The following RANGAP1 variants were observed in gnomAD, a reference collection of about 807,000 sequenced individuals.
RANGAP1 encodes ran GTPase-activating protein 1.
Under a neutral mutation model 63.5 loss-of-function variants are expected in RANGAP1, and 38 were observed. That is an observed-to-expected ratio of 0.60 (90% CI 0.46 to 0.78). RANGAP1 has a LOEUF of 0.78. Ranked by LOEUF, RANGAP1 falls within the 30% of genes least tolerant of loss-of-function variation. The probability of loss-of-function intolerance (pLI) is 0.00; values close to 1 mark genes in which losing one functional copy is unlikely to be tolerated. For synonymous variants in RANGAP1, 329 were observed against 310.5 expected (o/e 1.06, Z -0.63); for missense variants, 630 against 740.3 (o/e 0.85, Z 1.73).
rs534921594 is a variant in RANGAP1, at chr22:41,245,162, C to A, written c.*1441G>T. ...AGCAGTATCCTCTGCCACCTGGTCACCTACGTGGCCGACTGCCAATGAGAA... is the reference window on the plus strand; with the variant it reads ...AGCAGTATCCTCTGCCACCTGGTCAACTACGTGGCCGACTGCCAATGAGAA... On this transcript the variant is annotated 3_prime_UTR_variant, in exon 16 of 16. Transcript: ENST00000356244. Among the ~76,000 whole-genome samples the A allele has an allele frequency of 6.6e-6, 1 of 152,354 alleles. No homozygotes were observed. Among genetic ancestry groups the A allele is most frequent in the East Asian group, 1.9e-4 (1 of 5,194 alleles).
chr22:41,254,877 C>T (rs961022460), intron 10 of RANGAP1, among the ~76,000 whole-genome samples: 2 of 151,534 alleles, frequency 1.3e-5, no homozygotes, highest in Non-Finnish European at 2.9e-5. Context: ...GAGGCTGAGG[C>T]AGGAGAATGG....
intron 10 of RANGAP1, among the ~76,000 whole-genome samples, chr22:41,255,197 C>A (rs1336600490): frequency 6.6e-6 from 1 of 152,066 alleles, no homozygotes; most frequent in Admixed American, 6.6e-5. Context: ...GTAGGGGTGT[C>A]CTTGCCCCAT....
Position 41,257,844 on chromosome 22 carries a change from G to T in RANGAP1, c.774+104C>A. On this transcript the variant is annotated intron_variant, in intron 7 of 15. Transcript: ENST00000356244. The surrounding 1 kb of genome is among the most constrained non-coding windows in gnomAD (Gnocchi z 4.0). ...GGGGCACACACCCAGGGGGCAGGCA[G>T]GGGGTAGAGGAGTCCCTGCTAAACG... The T allele has an allele frequency of 2.2e-6, 3 of 1,346,992 alleles. No homozygotes were observed. Among genetic ancestry groups the T allele is most frequent in the East Asian group, 2.5e-5 (1 of 40,338 alleles). The allele number at this position is 1,346,992 out of a possible 1,614,324, so 83.4% of individuals were successfully genotyped here. A position where few individuals can be genotyped will look rare whatever the true frequency, so the allele number is the denominator to read the frequency against.
At chr22:41,293,788 A>T in the RANGAP1 span, among the ~76,000 whole-genome samples, 2 of 150,134 alleles carry the variant, frequency 1.3e-5, no homozygotes, top group Non-Finnish European at 3.0e-5. Flanking sequence ...AAAAGAAAAG[A>T]AATAATTTTT....
At chr22:41,276,986 GAAA>G (rs762582801) in intron 2 of RANGAP1, among the ~76,000 whole-genome samples, 1 of 56,024 alleles carries the variant, frequency 1.8e-5, no homozygotes, top group Non-Finnish European at 3.7e-5. Flanking sequence ...CTGTTTCTCA[GAAA>G]AAAAAAAAAA....
At position 41,252,931 on chromosome 22, in the gene RANGAP1, GA is replaced by G. The variant is rs1390892709; in HGVS notation, c.1320del (p.Ser442LeufsTer8). On this transcript the variant is annotated frameshift_variant, in exon 12 of 16. Transcript: ENST00000356244. LOFTEE classifies it high-confidence loss of function. Reference protein sequence around the residue: ...PPADVSTFLAFPSPEKLLRLG... With the variant: ...PPADVSTFLAXPSPEKLLRLG... ...AGGCGCAGCAGCTTCTCTGGAGAGG[GA>G]AAAGCCAGGAAGGTGGAGACGTCTG... The G allele has an allele frequency of 2.6e-6, 4 of 1,558,128 alleles. No homozygotes were observed. The highest frequency in any genetic ancestry group is 2.0e-5 in the Admixed American group (1 of 50,168).
upstream of RANGAP1, among the ~76,000 whole-genome samples, chr22:41,287,223 AATATACCT>A (rs901766718): frequency 6.6e-6 from 1 of 152,248 alleles, no homozygotes; most frequent in African/African-American, 2.4e-5. Context: ...GGTTAAAAGA[AATATACCT>A]ATACATATAC....
chr22:41,295,758 T>C, the RANGAP1 span, among the ~76,000 whole-genome samples: 1 of 149,836 alleles, frequency 6.7e-6, no homozygotes, highest in African/African-American at 2.4e-5. Flanking sequence ...TTCCCATCTC[T>C]TTTGTCAGGA....
chr22:41,299,313 T>C, the RANGAP1 span, among the ~76,000 whole-genome samples: 3 of 151,954 alleles, frequency 2.0e-5, no homozygotes, highest in East Asian at 3.9e-4. Flanking sequence ...TTTGTATTTT[T>C]AGTAGAGATG....
chr22:41,274,619 T>C lies in RANGAP1; in HGVS notation c.221A>G (p.Glu74Gly), dbSNP rs180760871. The change falls in exon 3 of 16, where the codon GAG becomes GGG. Residue 74 changes from glutamate to glycine, a missense_variant. By Grantham distance (98) the Glu-to-Gly change is moderately conservative. This residue lies in a region of RANGAP1 where 137 missense variants were observed against 214.3 expected (regional missense o/e 0.64). Coordinates refer to ENST00000356244, the MANE Select transcript of RANGAP1 (RefSeq NM_002883.4). ...GCTCACCTTCAACTCCGACTTCTTC[T>C]CTAAGGCCTTGGCGATGACCCTGGC... ...EAARVIAKAL[E>G]KKSELKRCHW... 2 of 1,614,144 alleles carry C rather than the reference T, an allele frequency of 1.2e-6. No homozygotes were observed. Among genetic ancestry groups the C allele is most frequent in the East Asian group, 4.5e-5 (2 of 44,874 alleles).
At chr22:41,277,742 TG>T (rs2035241414) in intron 2 of RANGAP1, among the ~76,000 whole-genome samples, 1 of 152,164 alleles carries the variant, frequency 6.6e-6, no homozygotes, top group South Asian at 2.1e-4. Context: ...GGTTGGTCAG[TG>T]CCAGCCAAGC....
intron 2 of RANGAP1, chr22:41,280,538 A>C (rs927568598): frequency 7.7e-6 from 5 of 650,496 alleles, no homozygotes; most frequent in Non-Finnish European, 1.2e-5. Context: ...CCAGAGCCTC[A>C]GCTCTGGGGA....
intron 15 of RANGAP1, among the ~76,000 whole-genome samples, chr22:41,247,889 A>C (rs570979116): frequency 6.6e-6 from 1 of 152,346 alleles, no homozygotes; most frequent in South Asian, 2.1e-4. Context: ...CACCTTGGAC[A>C]AGACCCAGGG....
intron 5 of RANGAP1, among the ~76,000 whole-genome samples, chr22:41,262,488 G>A (rs1480684060): frequency 6.6e-6 from 1 of 152,238 alleles, no homozygotes; most frequent in Non-Finnish European, 1.5e-5. Flanking sequence ...TGAGGAAGCT[G>A]AGGCTCTGAG....
chr22:41,278,791 A>T (rs1489347483), intron 2 of RANGAP1, among the ~76,000 whole-genome samples: 1 of 152,238 alleles, frequency 6.6e-6, no homozygotes, highest in African/African-American at 2.4e-5. Context: ...ACCTGAGGTC[A>T]AGAATTCAAA....
chr22:41,249,987 A>G, intron 13 of RANGAP1, among the ~76,000 whole-genome samples, 170 bp from the exon 14 acceptor site: 1 of 152,214 alleles, frequency 6.6e-6, no homozygotes, highest in African/African-American at 2.4e-5. Context: ...AGGGAGTGGC[A>G]GTTGGCATCA....
intron 3 of RANGAP1, among the ~76,000 whole-genome samples, chr22:41,274,230 C>G (rs912624034): frequency 6.6e-6 from 1 of 152,238 alleles, no homozygotes; most frequent in African/African-American, 2.4e-5. Flanking sequence ...AATCTTTGCT[C>G]TGAAACTCCC....
chr22:41,254,325 G>C lies in RANGAP1; in HGVS notation c.1243C>G (p.Leu415Val), dbSNP rs775947617. ...AAACTCACCCCAGTGTTAGGGTCCA[G>C]AATCTTCCGTGAGGGCGTGGCTGAC... Reference protein sequence around the residue: ...EKSATPSRKILDPNTGEPAPV... With the variant: ...EKSATPSRKIVDPNTGEPAPV... Residue 415 changes from leucine (L) to valine (V), a missense_variant, in exon 11 of 16, where the codon CTG becomes GTG. This residue lies in a region of RANGAP1 where 428 missense variants were observed against 465.5 expected (regional missense o/e 0.92). Transcript: ENST00000356244. 9.9e-6 allele frequency: 16 copies of C among 1,614,166 alleles called. No homozygotes were observed. The South Asian group carries it at 1.6e-4, about 17-fold the overall frequency.
In RANGAP1 at chr22:41,245,655, CCA is replaced by C. The variant is rs2032980994; in HGVS notation, c.*946_*947del. ...TATTTGTGAAGCCCCCGGGCACAGC[CCA>C]GACACACACAGAGCACAAAGGGGAA... On this transcript the variant is annotated 3_prime_UTR_variant, in exon 16 of 16. Coordinates refer to ENST00000356244, the MANE Select transcript of RANGAP1 (RefSeq NM_002883.4). 2 of 152,376 alleles carry C rather than the reference CCA, an allele frequency of 1.3e-5. No individual in the cohort carries two copies. Among genetic ancestry groups the C allele is most frequent in the Admixed American group, 6.5e-5 (1 of 15,278 alleles). The allele number at this position is 152,376 out of a possible 1,614,324, so 9.4% of individuals were successfully genotyped here.
Sources: gnomAD v4.1 joint callset for allele counts (sites outside exome capture counted in the v4.1 genomes callset) on GRCh38, gnomAD v4.1.1 for gene constraint, gnomAD v4.1.1 regional missense constraint, Gnocchi (gnomAD v3.1) non-coding constraint, MANE v1.5 for transcripts, NCBI Gene and HGNC (gene_info 2026-07-23, HGNC 2026-07-21) for gene names.